NELL1: variants seen among roughly 807,000 people sequenced by gnomAD.
NELL1 encodes protein kinase C-binding protein NELL1.
In NELL1, 76 loss-of-function variants were observed where a neutral mutation model predicts 107.4. That is an observed-to-expected ratio of 0.71 (90% CI 0.59 to 0.86). NELL1 has a LOEUF of 0.86. NELL1 is among the 40% of genes least tolerant of loss of function. NELL1 has a pLI of 0.00. For synonymous variants in NELL1, 353 were observed against 341.2 expected (o/e 1.03, Z -0.38); for missense variants, 1,024 against 1,005.5 (o/e 1.02, Z -0.25).
chr11:21,516,559 T>G (rs1357256431), intron 15 of NELL1, among the ~76,000 whole-genome samples: 2 of 152,168 alleles, frequency 1.3e-5, no homozygotes, highest in East Asian at 3.9e-4. Context: ...AGCCTATTGC[T>G]CCTAAGCTAC....
At chr11:20,967,107 A>G (rs1293118353) in intron 12 of NELL1, among the ~76,000 whole-genome samples, 1 of 152,138 alleles carries the variant, frequency 6.6e-6, no homozygotes, top group African/African-American at 2.4e-5. Flanking sequence ...TGCAAGATAT[A>G]TGCAGAAATT....
intron 15 of NELL1, among the ~76,000 whole-genome samples, chr11:21,377,840 A>G (rs58605481): frequency 0.019 from 2,897 of 152,164 alleles, 91 homozygotes; most frequent in African/African-American, 0.066. Flanking sequence ...TGTTCATAAT[A>G]GCCTGTGCGG....
intron 15 of NELL1, among the ~76,000 whole-genome samples, chr11:21,497,012 A>G (rs1411367569): frequency 6.6e-6 from 1 of 151,680 alleles, no homozygotes; most frequent in East Asian, 2.0e-4. Flanking sequence ...ACATTTTCTT[A>G]ATCCAGTCTA....
At chr11:21,314,661 G>A (rs532187055) in intron 14 of NELL1, among the ~76,000 whole-genome samples, 136 of 152,270 alleles carry the variant, frequency 8.9e-4, no homozygotes, top group African/African-American at 2.9e-3. Context: ...CCTGGAGTAC[G>A]AAAAGCAGAA....
At chr11:20,816,209 G>A (rs947068157) in intron 3 of NELL1, among the ~76,000 whole-genome samples, 1 of 152,050 alleles carries the variant, frequency 6.6e-6, no homozygotes, top group Non-Finnish European at 1.5e-5. Flanking sequence ...CGTTTGTTAG[G>A]AATAGCGTTG....
chr11:21,241,433 A>G (rs1007649057), intron 14 of NELL1, among the ~76,000 whole-genome samples: 2 of 152,164 alleles, frequency 1.3e-5, no homozygotes, highest in Non-Finnish European at 2.9e-5. Context: ...TAGCTTAAAT[A>G]GATCTGTTAC....
At chr11:21,100,772 C>G (rs1307833379) in intron 12 of NELL1, among the ~76,000 whole-genome samples, 1 of 152,138 alleles carries the variant, frequency 6.6e-6, no homozygotes, top group Non-Finnish European at 1.5e-5. Flanking sequence ...ATATATTGTT[C>G]TTCCAAGTTA....
At chr11:21,040,215 T>C (rs77979309) in intron 12 of NELL1, among the ~76,000 whole-genome samples, 1,747 of 151,984 alleles carry the variant, frequency 0.011, 42 homozygotes, top group African/African-American at 0.04. Context: ...GTGAAAAAAC[T>C]ATTTCATTAG....
chr11:21,064,695 G>T (rs1298126529), intron 12 of NELL1, among the ~76,000 whole-genome samples: 1 of 152,042 alleles, frequency 6.6e-6, no homozygotes, highest in Non-Finnish European at 1.5e-5. Context: ...AGGGTGGGGG[G>T]TGGAGAGGTA....
chr11:21,191,071 A>G (rs1296573552), intron 13 of NELL1, among the ~76,000 whole-genome samples: 1 of 151,854 alleles, frequency 6.6e-6, no homozygotes, highest in Non-Finnish European at 1.5e-5. Context: ...CTTTCTAGCT[A>G]TGTGTTACTG....
At chr11:21,424,338 G>A (rs922783510) in intron 15 of NELL1, among the ~76,000 whole-genome samples, 3 of 152,054 alleles carry the variant, frequency 2.0e-5, no homozygotes, top group South Asian at 4.2e-4. Flanking sequence ...GTATGCCAGC[G>A]GGCCAGGCAC....
intron 14 of NELL1, among the ~76,000 whole-genome samples, chr11:21,355,128 T>TG (rs1420863239): frequency 1.3e-5 from 2 of 152,222 alleles, no homozygotes; most frequent in African/African-American, 2.4e-5. Flanking sequence ...CATGTTAAAA[T>TG]GTGAACATCA....
intron 15 of NELL1, among the ~76,000 whole-genome samples, chr11:21,433,649 T>C (rs915500109): frequency 9.9e-5 from 15 of 152,088 alleles, no homozygotes; most frequent in African/African-American, 3.6e-4. Flanking sequence ...AGCATGTTTT[T>C]ATATGTCTGA....
chr11:21,533,529 C>T (rs1856049480), intron 15 of NELL1, among the ~76,000 whole-genome samples: 1 of 152,158 alleles, frequency 6.6e-6, no homozygotes, highest in Non-Finnish European at 1.5e-5. Context: ...AAATTGGCAA[C>T]TCTGTTTTCT....
intron 17 of NELL1, among the ~76,000 whole-genome samples, chr11:21,566,513 A>C (rs560461442): frequency 3.3e-5 from 5 of 152,044 alleles, no homozygotes; most frequent in Admixed American, 2.0e-4. Context: ...GAAGCAATTT[A>C]AATATTAGAA....
chr11:20,773,835 G>A (rs1856688603), intron 2 of NELL1, among the ~76,000 whole-genome samples: 1 of 152,040 alleles, frequency 6.6e-6, no homozygotes, highest in East Asian at 1.9e-4. Context: ...AGGCTTCAGA[G>A]CCTGAGCTCT....
intron 2 of NELL1, among the ~76,000 whole-genome samples, chr11:20,752,661 A>G (rs1187867836): frequency 1.3e-5 from 2 of 152,212 alleles, no homozygotes; most frequent in Non-Finnish European, 2.9e-5. Context: ...TCAGCTTTGG[A>G]AGTAGTCATT....
chr11:21,330,051 C>A lies in NELL1; in HGVS notation c.1550-40802C>A, dbSNP rs889602378. ...AACTTCTTATTTACCATTGTTGGTT[C>A]TCTTCCTTTTTTCCTGTGGATCTCG... On this transcript the variant is annotated intron_variant, in intron 14 of 19. Transcript: ENST00000357134. Among the ~76,000 whole-genome samples the A allele has an allele frequency of 2.6e-5, 4 of 151,836 alleles. No individual in the cohort carries two copies. In the South Asian group the frequency reaches 8.4e-4, roughly 32 times the overall value.
At chr11:21,554,820 G>A (rs966849930) in intron 16 of NELL1, among the ~76,000 whole-genome samples, 2 of 151,842 alleles carry the variant, frequency 1.3e-5, no homozygotes, top group African/African-American at 4.8e-5. Flanking sequence ...CTGGGACAGA[G>A]TTGACTCACT....
Sources: allele counts gnomAD v4.1 joint callset (sites outside exome capture counted in the v4.1 genomes callset), GRCh38; gene constraint gnomAD v4.1.1; transcripts MANE v1.5; gene names NCBI Gene and HGNC (gene_info 2026-07-23, HGNC 2026-07-21).